Variants in PRELID2 observed in about 807,000 individuals in gnomAD.
PRELID2 encodes the protein PRELI domain containing 2, also known as PRELI domain-containing protein 2.
In PRELID2, 25 loss-of-function variants were observed where a neutral mutation model predicts 28.4. That is an observed-to-expected ratio of 0.88 (90% CI 0.64 to 1.23). PRELID2 has a LOEUF of 1.23. Among genes scored for constraint, PRELID2 ranks in the 50% most tolerant of loss-of-function variants. PRELID2 has a pLI of 0.00. For missense variants in PRELID2, 201 were observed against 214.4 expected (o/e 0.94, Z 0.39); for synonymous variants, 76 against 71.6 (o/e 1.06, Z -0.31).
At chr5:145,466,035 T>A in the PRELID2 span, among the ~76,000 whole-genome samples, 4 of 152,094 alleles carry the variant, frequency 2.6e-5, no homozygotes, top group African/African-American at 9.7e-5. Flanking sequence ...CGTGTCAGAA[T>A]GTGTGTGAGC....
chr5:145,738,822 C>T (rs1756569318), intron 1 of PRELID2, among the ~76,000 whole-genome samples: 1 of 152,092 alleles, frequency 6.6e-6, no homozygotes, highest in Non-Finnish European at 1.5e-5. Flanking sequence ...CATACCTTTA[C>T]AGATTCAAGA....
chr5:145,619,620 A>T (rs909638418), intron 1 of PRELID2, among the ~76,000 whole-genome samples: 4 of 152,040 alleles, frequency 2.6e-5, no homozygotes, highest in African/African-American at 9.7e-5. Flanking sequence ...CGGTTTCCTG[A>T]TTTATTCCTG....
At chr5:145,288,664 C>T in the PRELID2 span, among the ~76,000 whole-genome samples, 1 of 152,020 alleles carries the variant, frequency 6.6e-6, no homozygotes, top group African/African-American at 2.4e-5. Flanking sequence ...GAAATAAGTG[C>T]ATGTGTATAC....
chr5:145,727,391 G>A (rs565453375), intron 1 of PRELID2, among the ~76,000 whole-genome samples: 135 of 152,218 alleles, frequency 8.9e-4, no homozygotes, highest in Non-Finnish European at 1.8e-3. Context: ...AGGCCATGAG[G>A]GGTTTTAGAC....
chr5:145,611,384 C>T (rs944865639), intron 1 of PRELID2, among the ~76,000 whole-genome samples: 4 of 152,056 alleles, frequency 2.6e-5, no homozygotes, highest in African/African-American at 9.7e-5. Context: ...GGCTGGTCTC[C>T]AACTCCTGAC....
At chr5:145,446,821 T>C in the PRELID2 span, among the ~76,000 whole-genome samples, 1 of 151,904 alleles carries the variant, frequency 6.6e-6, no homozygotes, top group East Asian at 1.9e-4. Flanking sequence ...CTGAGGCAAG[T>C]GGATCACCTG....
At chr5:145,792,324 T>G (rs1179952303) in intron 5 of PRELID2, among the ~76,000 whole-genome samples, 2 of 152,162 alleles carry the variant, frequency 1.3e-5, no homozygotes, top group Non-Finnish European at 2.9e-5. Context: ...AAATAACATT[T>G]CCTATTTCAT....
At chr5:145,631,491 G>C (rs1208410744) in intron 1 of PRELID2, among the ~76,000 whole-genome samples, 2 of 152,046 alleles carry the variant, frequency 1.3e-5, no homozygotes, top group Non-Finnish European at 2.9e-5. Context: ...TATCCTACAG[G>C]CTTGTAGGGT....
At chr5:145,370,909 T>C in the PRELID2 span, among the ~76,000 whole-genome samples, 1 of 152,170 alleles carries the variant, frequency 6.6e-6, no homozygotes, top group Non-Finnish European at 1.5e-5. Context: ...ATGATTTGGC[T>C]ATCTGCTTGT....
intron 1 of PRELID2, among the ~76,000 whole-genome samples, chr5:145,651,965 G>A (rs937126234): frequency 6.6e-6 from 1 of 152,228 alleles, no homozygotes; most frequent in African/African-American, 2.4e-5. Context: ...TGAGCTAAAG[G>A]AGGAAGTTTG....
At chr5:145,804,180 C>T (rs1043376586) in intron 4 of PRELID2, among the ~76,000 whole-genome samples, 1 of 152,124 alleles carries the variant, frequency 6.6e-6, no homozygotes, top group Admixed American at 6.5e-5. Context: ...TACAAGTATA[C>T]ATTTCAGGAC....
chr5:145,711,515 G>A (rs146419885), intron 1 of PRELID2, among the ~76,000 whole-genome samples: 44 of 152,172 alleles, frequency 2.9e-4, no homozygotes, highest in Middle Eastern at 3.4e-3. Context: ...GTATCTCCAG[G>A]AGCCCCAGCC....
chr5:145,512,545 G>A (rs576968285), intron 1 of PRELID2, among the ~76,000 whole-genome samples: 51 of 152,330 alleles, frequency 3.3e-4, no homozygotes, highest in African/African-American at 1.2e-3. Flanking sequence ...AGCACCTGGG[G>A]GAGGAGGTGC....
the PRELID2 span, among the ~76,000 whole-genome samples, chr5:145,389,946 T>C: frequency 8.5e-5 from 13 of 152,354 alleles, no homozygotes; most frequent in African/African-American, 3.1e-4. Context: ...AGAAGTTATA[T>C]AGTTTATTCA....
At chr5:145,356,877 G>A in the PRELID2 span, among the ~76,000 whole-genome samples, 1 of 152,114 alleles carries the variant, frequency 6.6e-6, no homozygotes, top group African/African-American at 2.4e-5. Context: ...GGCTGGTAAT[G>A]GTCTTTTCTT....
the PRELID2 span, among the ~76,000 whole-genome samples, chr5:145,357,314 G>T: frequency 1.3e-5 from 2 of 152,072 alleles, no homozygotes; most frequent in Admixed American, 1.3e-4. Flanking sequence ...CTTTGTGGAG[G>T]ATATCCTGAA....
chr5:145,723,591 T>C (rs550250397), intron 1 of PRELID2, among the ~76,000 whole-genome samples: 3 of 152,330 alleles, frequency 2.0e-5, no homozygotes, highest in South Asian at 4.1e-4. Flanking sequence ...CTTAATCATA[T>C]GAAACTATTT....
intron 1 of PRELID2, among the ~76,000 whole-genome samples, chr5:145,668,325 C>T (rs781439301): frequency 1.3e-4 from 19 of 150,394 alleles, no homozygotes; most frequent in Non-Finnish European, 1.5e-4. Context: ...TCTGCATAAC[C>T]AATCTAATTG....
chr5:145,546,258 G>C (rs1265409844), intron 1 of PRELID2, among the ~76,000 whole-genome samples: 1 of 151,696 alleles, frequency 6.6e-6, no homozygotes, highest in Non-Finnish European at 1.5e-5. Flanking sequence ...AAATTAACAG[G>C]GAAACAGAAA....
Sources: gnomAD v4.1 joint callset for allele counts (sites outside exome capture counted in the v4.1 genomes callset) on GRCh38, gnomAD v4.1.1 for gene constraint, MANE v1.5 for transcripts, NCBI Gene and HGNC (gene_info 2026-07-23, HGNC 2026-07-21) for gene names.